The following TBCA variants were observed in gnomAD, a reference collection of about 807,000 sequenced individuals.
TBCA encodes tubulin-specific chaperone A.
In TBCA, 6 loss-of-function variants were observed where a neutral mutation model predicts 15.8. The ratio of observed to expected loss-of-function variants is 0.38; its 90% confidence interval spans 0.21 to 0.75. The LOEUF is 0.75. TBCA is among the 30% of genes least tolerant of loss of function. The pLI is 0.46. For missense variants in TBCA, 90 were observed against 131.2 expected, an observed-to-expected ratio of 0.69 and a Z score of 1.53; for synonymous variants, 32 against 42.3, an observed-to-expected ratio of 0.76 and a Z score of 0.94.
chr5:77,732,933 C>T (rs1160056219), intron 1 of TBCA, among the ~76,000 whole-genome samples: 4 of 152,122 alleles, frequency 2.6e-5, no homozygotes, highest in African/African-American at 9.7e-5. Context: ...CTATAATGGC[C>T]TCTAAGTGTT....
intron 1 of TBCA, among the ~76,000 whole-genome samples, chr5:77,766,942 A>C (rs1747792275): frequency 1.3e-5 from 2 of 152,242 alleles, no homozygotes; most frequent in Non-Finnish European, 2.9e-5. Flanking sequence ...TTCTGTGAAA[A>C]GCAATGATAT....
intron 1 of TBCA, among the ~76,000 whole-genome samples, chr5:77,763,315 A>G (rs766041823): frequency 6.6e-6 from 1 of 152,178 alleles, no homozygotes; most frequent in Non-Finnish European, 1.5e-5. Context: ...CAAAATGAAA[A>G]CTAAACAAAG....
intron 1 of TBCA, among the ~76,000 whole-genome samples, chr5:77,760,277 C>G (rs1354893400): frequency 6.6e-6 from 1 of 152,136 alleles, no homozygotes; most frequent in African/African-American, 2.4e-5. Flanking sequence ...AATCCCTAGC[C>G]AGTTTATGTA....
chr5:77,760,632 G>A (rs1175594486), intron 1 of TBCA, among the ~76,000 whole-genome samples: 5 of 152,116 alleles, frequency 3.3e-5, no homozygotes, highest in Admixed American at 6.5e-5. Context: ...CGTGTTGGCC[G>A]GGCTGGTCTC....
intron 1 of TBCA, among the ~76,000 whole-genome samples, chr5:77,773,748 T>C (rs1267660916): frequency 6.6e-6 from 1 of 152,216 alleles, no homozygotes; most frequent in African/African-American, 2.4e-5. Flanking sequence ...TGCCTGGTCC[T>C]TCCTCTGGTG....
chr5:77,694,781 G>T (rs562394978), intron 2 of TBCA, among the ~76,000 whole-genome samples: 5 of 152,008 alleles, frequency 3.3e-5, no homozygotes, highest in Non-Finnish European at 7.4e-5. Flanking sequence ...AGCTCATATT[G>T]AAAACAAAAA....
intron 2 of TBCA, among the ~76,000 whole-genome samples, chr5:77,694,610 T>C (rs776162634): frequency 6.6e-6 from 1 of 152,218 alleles, no homozygotes; most frequent in Non-Finnish European, 1.5e-5. Context: ...AGAGCTCATC[T>C]AAACATTTAT....
intron 1 of TBCA, among the ~76,000 whole-genome samples, chr5:77,745,847 C>T (rs908861429): frequency 1.3e-5 from 2 of 152,174 alleles, no homozygotes; most frequent in African/African-American, 4.8e-5. Context: ...CATGTTCACT[C>T]ACCAAAATTG....
intron 1 of TBCA, among the ~76,000 whole-genome samples, chr5:77,709,442 T>C (rs1443128888): frequency 6.6e-6 from 1 of 152,166 alleles, no homozygotes; most frequent in African/African-American, 2.4e-5. Flanking sequence ...TAAGAAAATA[T>C]TAACATTCCT....
intron 1 of TBCA, among the ~76,000 whole-genome samples, chr5:77,725,037 A>G (rs1341424699): frequency 6.6e-6 from 1 of 151,688 alleles, no homozygotes; most frequent in African/African-American, 2.4e-5. Flanking sequence ...TGCCAATATT[A>G]TACAGTTAGC....
chr5:77,756,806 C>T (rs7719017), intron 1 of TBCA, among the ~76,000 whole-genome samples: 16,217 of 152,032 alleles, frequency 0.11, 929 homozygotes, highest in Middle Eastern at 0.13. Flanking sequence ...GAAAGCAGAG[C>T]GTTAGACCTA....
chr5:77,695,772 T>C (rs1269708987), intron 2 of TBCA, among the ~76,000 whole-genome samples: 1 of 152,210 alleles, frequency 6.6e-6, no homozygotes, highest in East Asian at 1.9e-4. Flanking sequence ...ATGTTGACTA[T>C]GATAAATCTG....
At chr5:77,708,440 A>G in intron 1 of TBCA, 93 bp from the exon 2 acceptor site, 1 of 719,174 alleles carries the variant, frequency 1.4e-6, no homozygotes, top group Non-Finnish European at 2.3e-6. Context: ...TATATTTAAA[A>G]TACCAAAGTA....
At chr5:77,734,209 A>T (rs1399268313) in intron 1 of TBCA, among the ~76,000 whole-genome samples, 1 of 152,252 alleles carries the variant, frequency 6.6e-6, no homozygotes, top group Non-Finnish European at 1.5e-5. Flanking sequence ...CTGCTAATAC[A>T]ACACCCATTC....
chr5:77,724,845 G>T (rs1234221275), intron 1 of TBCA, among the ~76,000 whole-genome samples: 3 of 152,058 alleles, frequency 2.0e-5, no homozygotes, highest in Non-Finnish European at 2.9e-5. Context: ...TAGGATTTTT[G>T]TGTTAAGATT....
At chr5:77,707,784 T>G (rs928903460) in intron 2 of TBCA, among the ~76,000 whole-genome samples, 14 of 152,228 alleles carry the variant, frequency 9.2e-5, no homozygotes, top group African/African-American at 3.1e-4. Flanking sequence ...TTTTTATATC[T>G]GATACTTAAA....
chr5:77,721,147 C>A (rs1194029047), intron 1 of TBCA, among the ~76,000 whole-genome samples: 1 of 152,074 alleles, frequency 6.6e-6, no homozygotes, highest in Non-Finnish European at 1.5e-5. Context: ...TTTTATCAAA[C>A]TACAAAATAA....
At chr5:77,745,564 G>A (rs1330488441) in intron 1 of TBCA, among the ~76,000 whole-genome samples, 1 of 152,006 alleles carries the variant, frequency 6.6e-6, no homozygotes, top group East Asian at 1.9e-4. Flanking sequence ...GTTAAGCTAG[G>A]GTGTATCATG....
intron 1 of TBCA, among the ~76,000 whole-genome samples, chr5:77,763,103 G>T (rs960229248): frequency 1.3e-5 from 2 of 152,120 alleles, no homozygotes; most frequent in Non-Finnish European, 2.9e-5. Flanking sequence ...AATTAGCCGG[G>T]CGTGATGGCG....
Sources: gnomAD v4.1 joint callset for allele counts (sites outside exome capture counted in the v4.1 genomes callset) on GRCh38, gnomAD v4.1.1 for gene constraint, MANE v1.5 for transcripts, NCBI Gene and HGNC (gene_info 2026-07-23, HGNC 2026-07-21) for gene names.